Variants in CLASP1 observed in about 807,000 individuals in gnomAD.
CLASP1 encodes cytoplasmic linker associated protein 1.
CLASP1 carries 38 observed loss-of-function variants against 192.3 expected under a neutral mutation model. The observed-to-expected ratio is 0.20, with a 90% CI of 0.15 to 0.26. CLASP1 has a LOEUF of 0.26. CLASP1 is among the 10% of genes least tolerant of loss of function. The pLI is 1.00. For synonymous variants in CLASP1, 691 were observed against 712.8 expected (o/e 0.97, Z 0.49); for missense variants, 1,433 against 1,932.5 (o/e 0.74, Z 4.85).
intron 2 of CLASP1, among the ~76,000 whole-genome samples, chr2:121,534,807 G>T (rs1046307952): frequency 6.6e-6 from 1 of 152,110 alleles, no homozygotes; most frequent in African/African-American, 2.4e-5. Context: ...GATTACTGAC[G>T]TTGAGCCATT....
intron 1 of CLASP1, among the ~76,000 whole-genome samples, chr2:121,639,206 G>A (rs1228228304): frequency 1.3e-5 from 2 of 152,066 alleles, no homozygotes; most frequent in African/African-American, 4.8e-5. Context: ...GAACCCGGGA[G>A]GCAGAGCTTG....
chr2:121,390,848 C>T (rs553193266), intron 30 of CLASP1, among the ~76,000 whole-genome samples: 1 of 152,214 alleles, frequency 6.6e-6, no homozygotes, highest in Non-Finnish European at 1.5e-5. Flanking sequence ...GGGGGTCTTG[C>T]TATGTTGCCC....
chr2:121,439,788 C>T (rs1464987078), intron 19 of CLASP1, among the ~76,000 whole-genome samples: 2 of 151,014 alleles, frequency 1.3e-5, no homozygotes, highest in Admixed American at 1.3e-4. Context: ...TTTGTAGGGA[C>T]ATGGATGAAA....
chr2:121,538,303 T>C (rs1449501017), intron 2 of CLASP1, among the ~76,000 whole-genome samples: 1 of 151,858 alleles, frequency 6.6e-6, no homozygotes, highest in African/African-American at 2.4e-5. Flanking sequence ...TCGCAGCTAC[T>C]TGGGAGGCTG....
intron 20 of CLASP1, among the ~76,000 whole-genome samples, chr2:121,427,986 A>T: frequency 6.6e-6 from 1 of 152,176 alleles, no homozygotes; most frequent in East Asian, 1.9e-4. Context: ...TATTAAAATA[A>T]TTTTTTAAAT....
intron 1 of CLASP1, among the ~76,000 whole-genome samples, chr2:121,624,957 T>C (rs1298074120): frequency 6.6e-6 from 1 of 152,250 alleles, no homozygotes; most frequent in East Asian, 1.9e-4. Flanking sequence ...AATTTTCACA[T>C]ATTCTGAATT....
intron 8 of CLASP1, among the ~76,000 whole-genome samples, chr2:121,492,389 CAAAAAAAAAAA>C (rs761378692): frequency 5.8e-3 from 221 of 37,946 alleles, no homozygotes; most frequent in African/African-American, 0.025. Flanking sequence ...ACTCCCTCTC[CAAAAAAAAAAA>C]AAAAAAAAAA....
At chr2:121,614,167 T>C (rs1239736993) in intron 1 of CLASP1, among the ~76,000 whole-genome samples, 4 of 152,146 alleles carry the variant, frequency 2.6e-5, no homozygotes, top group African/African-American at 4.8e-5. Flanking sequence ...CCACAATCTA[T>C]TGGTAAAAGC....
At chr2:121,639,923 A>T (rs2071706804) in intron 1 of CLASP1, among the ~76,000 whole-genome samples, 2 of 151,972 alleles carry the variant, frequency 1.3e-5, no homozygotes, top group Admixed American at 1.3e-4. Flanking sequence ...ATGCACACGT[A>T]TGTTTACTGG....
At position 121,558,214 on chromosome 2, in the gene CLASP1, A is replaced by G. The variant is rs575707502; in HGVS notation, c.196-27889T>C. Among the ~76,000 whole-genome samples, 5 of 152,360 alleles carry G rather than the reference A, an allele frequency of 3.3e-5. No individual in the cohort carries two copies. In the South Asian group the frequency reaches 1.0e-3, roughly 32 times the overall value. ...TCAAAGAATAAGGTGAAAAATAAAT[A>G]TTAACAAGGAGCTATAATGTTCTTC... On this transcript the variant is annotated intron_variant, in intron 2 of 39. Coordinates refer to ENST00000263710, the Ensembl canonical transcript of CLASP1.
At chr2:121,614,116 A>C (rs287787) in intron 1 of CLASP1, among the ~76,000 whole-genome samples, 45,780 of 152,002 alleles carry the variant, frequency 0.3, 11,091 homozygotes, top group African/African-American at 0.67. Flanking sequence ...GGCTACCAGG[A>C]CTCCTGAGAC....
intron 1 of CLASP1, among the ~76,000 whole-genome samples, chr2:121,612,289 G>A (rs1320879583): frequency 1.3e-5 from 2 of 151,358 alleles, no homozygotes; most frequent in Admixed American, 6.6e-5. Context: ...AGAGGAGGAG[G>A]AGGAGTTACA....
chr2:121,602,594 T>C lies in CLASP1; in HGVS notation c.195+3107A>G, dbSNP rs372353452. 3.3e-5 allele frequency among the ~76,000 whole-genome samples: 5 copies of C among 152,304 alleles called. No individual in the cohort carries two copies. The East Asian group carries it at 9.6e-4, about 29-fold the overall frequency. ...TGTAGTAACCAAAACAACCTGGTAC[T>C]GTCATAAAAACAGACACATAGGCCA... On this transcript the variant is annotated intron_variant, in intron 2 of 39. Transcript: ENST00000263710.
intron 6 of CLASP1, among the ~76,000 whole-genome samples, chr2:121,524,857 G>A (rs1316000928): frequency 6.6e-6 from 1 of 152,166 alleles, no homozygotes; most frequent in African/African-American, 2.4e-5. Context: ...GGAGAGGCTG[G>A]GGTGGAAGGA....
intron 2 of CLASP1, among the ~76,000 whole-genome samples, chr2:121,560,557 G>T (rs2058980195): frequency 6.6e-6 from 1 of 152,140 alleles, no homozygotes; most frequent in Non-Finnish European, 1.5e-5. Context: ...CTTCTGTCTA[G>T]GTTTTCTCTG....
chr2:121,438,291 C>G (rs188037444), intron 19 of CLASP1, among the ~76,000 whole-genome samples: 1 of 152,334 alleles, frequency 6.6e-6, no homozygotes, highest in Admixed American at 6.5e-5. Context: ...AAAACCACAA[C>G]TTGTGTGAGT....
In CLASP1 at chr2:121,363,318, AG is replaced by A. The variant is rs779811270; in HGVS notation, c.4078-19del. 2.0e-5 allele frequency: 33 copies of A among 1,612,900 alleles called. No individual in the cohort carries two copies. The highest frequency in any genetic ancestry group is 2.8e-5 in the Non-Finnish European group (33 of 1,179,618). On this transcript the variant is annotated intron_variant, in intron 36 of 39. Transcript: ENST00000263710. ...ATTGAATGCTAGAATACAAAGGGAA[AG>A]GAAGACATCACCAAACACCACACAG... is the stretch of plus-strand genomic sequence containing the variant.
At chr2:121,478,886 A>C (rs951974150) in intron 8 of CLASP1, among the ~76,000 whole-genome samples, 3 of 40,528 alleles carry the variant, frequency 7.4e-5, no homozygotes, top group Admixed American at 2.7e-4. Flanking sequence ...CCACACACAC[A>C]CCACACACAC....
chr2:121,630,259 A>G (rs2069253279), intron 1 of CLASP1, among the ~76,000 whole-genome samples: 1 of 152,110 alleles, frequency 6.6e-6, no homozygotes, highest in Non-Finnish European at 1.5e-5. Flanking sequence ...ACTCTATCCA[A>G]TAAATTCCAG....
Sources: gnomAD v4.1 joint callset for allele counts (sites outside exome capture counted in the v4.1 genomes callset) on GRCh38, gnomAD v4.1.1 for gene constraint, MANE v1.5 for transcripts, NCBI Gene and HGNC (gene_info 2026-07-23, HGNC 2026-07-21) for gene names.